Variants in SLC49A3 observed in about 807,000 individuals in gnomAD.
SLC49A3 encodes the protein solute carrier family 49 member 3.
In SLC49A3, 50 loss-of-function variants were observed where a neutral mutation model predicts 43.8. The observed-to-expected ratio is 1.14, with a 90% confidence interval of 0.91 to 1.45. The LOEUF is 1.45. Among genes scored for constraint, SLC49A3 ranks in the 40% most tolerant of loss-of-function variants. The pLI, the probability that SLC49A3 is intolerant of heterozygous loss-of-function variation, is 0.00. For synonymous variants in SLC49A3, 413 were observed against 352.0 expected, an observed-to-expected ratio of 1.17 and a Z score of -1.94; for missense variants, 906 against 774.1, an observed-to-expected ratio of 1.17 and a Z score of -2.02.
At chr4:688,814 C>G (rs1741552054) in intron 1 of SLC49A3, 179 bp downstream of exon 1, 1 of 1,052,366 alleles carries the variant, frequency 9.5e-7, no homozygotes, top group African/African-American at 1.7e-5. Context: ...TGCCCTGGGC[C>G]CAGCCACCTC....
At chr4:677,733 C>A (rs115100853), downstream of SLC49A3, among the ~76,000 whole-genome samples, 571 of 152,290 alleles carry the variant, frequency 3.7e-3, 7 homozygotes, top group African/African-American at 0.013. Context: ...ACACAGAATC[C>A]TTGGGAGAAC....
chr4:686,808 G>T, intron 1 of SLC49A3, 118 bp from the exon 2 acceptor site: 1 of 1,329,334 alleles, frequency 7.5e-7, no homozygotes, highest in South Asian at 1.4e-5. Flanking sequence ...AGGGGACACA[G>T]CGAGCTGGAC....
At chr4:677,990 G>C (rs368446750), downstream of SLC49A3, 31 of 1,613,358 alleles carry the variant, frequency 1.9e-5, no homozygotes, top group African/African-American at 3.7e-4. Context: ...AAGACCTGGG[G>C]CCCTGGGCAG....
downstream of SLC49A3, chr4:680,789 G>A (rs1279052273): frequency 9.2e-6 from 6 of 651,890 alleles, no homozygotes; most frequent in Non-Finnish European, 1.3e-5. Flanking sequence ...CCTGTGCCCG[G>A]TGGGGGTGGG....
Position 682,804 on chromosome 4 carries a change from C to A in SLC49A3, c.1238G>T (p.Gly413Val). 6.3e-7 allele frequency: 1 copy of A among 1,597,384 alleles called. No individual in the cohort carries two copies. Among genetic ancestry groups the A allele is most frequent in the Non-Finnish European group, 8.5e-7 (1 of 1,170,104 alleles). The change falls in exon 9 of 10, where the codon GGG becomes GTG. Residue 413 changes from glycine to valine, a missense_variant. Coordinates refer to ENST00000322224, the MANE Select transcript of SLC49A3 (RefSeq NM_032219.4). Reference sequence around the variant, plus strand: ...ACCTGTCCAGTCAAGTGGATCCTCCCCCTGCTGGCAGGTGGACAAGGACGG... The same window carrying A: ...ACCTGTCCAGTCAAGTGGATCCTCCACCTGCTGGCAGGTGGACAAGGACGG... ...SEPSLSTCQQ[G>V]EDPLDWTVSL...
chr4:684,834 G>T lies in SLC49A3; in HGVS notation c.608C>A (p.Ala203Asp). The T allele has an allele frequency of 6.2e-7, 1 of 1,612,426 alleles. No individual in the cohort carries two copies. The highest frequency in any genetic ancestry group is 8.5e-7 in the Non-Finnish European group (1 of 1,179,880). The change falls in exon 5 of 10, where the codon GCT (alanine) becomes GAT (aspartate). Residue 203 changes from alanine (A) to aspartate (D), a missense_variant. Ala to Asp is a moderately radical substitution (Grantham distance 126, BLOSUM62 -2). Coordinates refer to ENST00000322224, the MANE Select transcript of SLC49A3 (RefSeq NM_032219.4). Reference sequence around the variant, plus strand: ...GGTGGACAGCAGGCAGACGACGCCAGCAGGGATGGTATAGACACCGAGCTG... The same window carrying T: ...GGTGGACAGCAGGCAGACGACGCCATCAGGGATGGTATAGACACCGAGCTG... ...PLMLGVYTIP[A>D]GVVCLLSTIC...
chr4:683,038 C>G, intron 8 of SLC49A3, 148 bp from the exon 9 acceptor site: 1 of 1,121,818 alleles, frequency 8.9e-7, no homozygotes, highest in Middle Eastern at 2.6e-4. Context: ...CCCTATCAGC[C>G]GGCCCGGCCT....
chr4:678,531 C>T (rs13110755), downstream of SLC49A3: 52 of 1,462,660 alleles, frequency 3.6e-5, no homozygotes, highest in Admixed American at 3.5e-4. Flanking sequence ...CCTCAGCTGT[C>T]TGGCCCCCTC....
At chr4:681,213 G>A, downstream of SLC49A3, 2 of 1,536,846 alleles carry the variant, frequency 1.3e-6, no homozygotes, top group Non-Finnish European at 1.8e-6. Context: ...GGTGGAGGGG[G>A]ACGCGGAGCC....
downstream of SLC49A3, chr4:681,193 G>C: frequency 6.4e-7 from 1 of 1,565,160 alleles, no homozygotes; most frequent in Admixed American, 1.9e-5. Flanking sequence ...GGGGCTCCCG[G>C]GGTCAGCTGG....
At chr4:680,375 C>A, downstream of SLC49A3, 1 of 953,526 alleles carries the variant, frequency 1.0e-6, no homozygotes, top group Non-Finnish European at 1.6e-6. Flanking sequence ...GGCCTTCAGG[C>A]AGAGGCCACC....
downstream of SLC49A3, among the ~76,000 whole-genome samples, chr4:679,452 C>T (rs1739219397): frequency 6.6e-6 from 1 of 152,000 alleles, no homozygotes; most frequent in Admixed American, 6.5e-5. Context: ...GCAGCACAGC[C>T]CGAGTGTGGT....
downstream of SLC49A3, chr4:681,126 A>G: frequency 6.2e-7 from 1 of 1,607,144 alleles, no homozygotes; most frequent in Non-Finnish European, 8.5e-7. Context: ...GGCTGACAAG[A>G]TGACGGCGGA....
downstream of SLC49A3, chr4:681,272 G>A (rs1019226865): frequency 6.1e-4 from 681 of 1,110,204 alleles, 5 homozygotes; most frequent in Non-Finnish European, 1.3e-4. Context: ...GGCCCCCGGG[G>A]GGCTCCCGAA....
downstream of SLC49A3, chr4:681,247 AC>A: frequency 7.2e-7 from 1 of 1,380,912 alleles, no homozygotes; most frequent in Non-Finnish European, 9.9e-7. Context: ...CGCGGTTAGG[AC>A]CCAGGACAGA....
At chr4:684,931 G>C in intron 4 of SLC49A3, 75 bp from the exon 5 acceptor site, 1 of 1,522,312 alleles carries the variant, frequency 6.6e-7, no homozygotes, top group Non-Finnish European at 8.8e-7. Flanking sequence ...GCCTGTCCCA[G>C]GCGCCACCTC....
chr4:680,766 A>C (rs1301420053), downstream of SLC49A3: 1 of 687,754 alleles, frequency 1.5e-6, no homozygotes, highest in African/African-American at 1.8e-5. Flanking sequence ...CCCTGCTCAC[A>C]CAGGGACCAG....
Position 682,855 on chromosome 4 carries a change from G to A in SLC49A3, c.1187C>T (p.Thr396Met), listed in dbSNP as rs764664675. The change falls in exon 9 of 10, where the codon ACG (threonine) becomes ATG (methionine). Residue 396 changes from threonine (T) to methionine (M), a missense_variant. Coordinates refer to ENST00000322224, the MANE Select transcript of SLC49A3 (RefSeq NM_032219.4). ...AEGILIMLAM[T>M]ALTVRRSEPS... Reference sequence around the variant, plus strand: ...CTCCGAGCGTCGCACAGTCAGTGCCGTCATTGCCAGCATGATGAGTATTCC... The same window carrying A: ...CTCCGAGCGTCGCACAGTCAGTGCCATCATTGCCAGCATGATGAGTATTCC... 41 of 1,603,064 alleles carry A rather than the reference G, an allele frequency of 2.6e-5. No individual in the cohort carries two copies. Among genetic ancestry groups the A allele is most frequent in the Middle Eastern group, 1.7e-4 (1 of 5,888 alleles).
chr4:680,560 A>T (rs768035806), downstream of SLC49A3: 25 of 1,613,314 alleles, frequency 1.5e-5, no homozygotes, highest in Non-Finnish European at 2.0e-5. Context: ...CTGGACCCGG[A>T]CGGGAAAGGG....
Sources: gnomAD v4.1 joint callset for allele counts (sites outside exome capture counted in the v4.1 genomes callset) on GRCh38, gnomAD v4.1.1 for gene constraint, MANE v1.5 for transcripts, NCBI Gene and HGNC (gene_info 2026-07-23, HGNC 2026-07-21) for gene names.